KLF17: variants seen among roughly 807,000 people sequenced by gnomAD.
KLF17 encodes the protein KLF transcription factor 17, also known as Krueppel-like factor 17.
KLF17 carries 31 observed loss-of-function variants against 34.2 expected under a neutral mutation model. That is an observed-to-expected ratio of 0.91 (90% CI 0.68 to 1.22). The LOEUF is 1.22. Ranked by LOEUF, KLF17 falls within the 50% of genes most tolerant of loss-of-function variation. The probability of loss-of-function intolerance (pLI) is 0.00; values close to 1 mark genes in which losing one functional copy is unlikely to be tolerated. For missense variants in KLF17, 478 were observed against 505.2 expected (o/e 0.95, Z 0.52); for synonymous variants, 179 against 186.7 (o/e 0.96, Z 0.34).
the KLF17 span, among the ~76,000 whole-genome samples, chr1:44,054,249 G>A: frequency 6.6e-6 from 1 of 152,150 alleles, no homozygotes; most frequent in East Asian, 1.9e-4. Flanking sequence ...GCCCCCATGA[G>A]CCAACCCTTA....
the KLF17 span, among the ~76,000 whole-genome samples, chr1:44,052,789 G>T: frequency 6.6e-6 from 1 of 152,092 alleles, no homozygotes; most frequent in Non-Finnish European, 1.5e-5. Context: ...TGTCTTTTAG[G>T]CAATTGGAGT....
chr1:44,102,103 A>G, the KLF17 span, among the ~76,000 whole-genome samples: 4 of 152,332 alleles, frequency 2.6e-5, no homozygotes, highest in South Asian at 6.2e-4. Flanking sequence ...AGGAAGGGCA[A>G]TGAATAGAAA....
intron 1 of KLF17, among the ~76,000 whole-genome samples, chr1:44,126,315 G>A (rs937277406): frequency 6.6e-6 from 1 of 152,162 alleles, no homozygotes; most frequent in Non-Finnish European, 1.5e-5. Context: ...GTGAGCCACC[G>A]CACCCGGCCA....
the KLF17 span, among the ~76,000 whole-genome samples, chr1:44,077,259 C>T: frequency 1.3e-5 from 2 of 151,874 alleles, no homozygotes; most frequent in East Asian, 1.9e-4. Flanking sequence ...GCAGGAGAAT[C>T]GCTTGAACCT....
the KLF17 span, among the ~76,000 whole-genome samples, chr1:44,099,059 A>G: frequency 6.6e-6 from 1 of 152,142 alleles, no homozygotes; most frequent in Non-Finnish European, 1.5e-5. Context: ...AAAAAAGCAA[A>G]GTGCAAAAGA....
chr1:44,079,030 G>A, the KLF17 span, among the ~76,000 whole-genome samples: 1 of 152,104 alleles, frequency 6.6e-6, no homozygotes, highest in Non-Finnish European at 1.5e-5. Flanking sequence ...CTTGGTAGCT[G>A]ATAAAGTATG....
At chr1:44,086,718 C>T in the KLF17 span, among the ~76,000 whole-genome samples, 2 of 152,144 alleles carry the variant, frequency 1.3e-5, no homozygotes, top group East Asian at 3.9e-4. Context: ...CACAGCCAGC[C>T]CAGAGAGAAG....
At chr1:44,057,250 G>C in the KLF17 span, among the ~76,000 whole-genome samples, 1 of 152,104 alleles carries the variant, frequency 6.6e-6, no homozygotes, top group African/African-American at 2.4e-5. Flanking sequence ...CTCCAATTGG[G>C]AAAAGACTTA....
the KLF17 span, among the ~76,000 whole-genome samples, chr1:44,108,470 G>C: frequency 1.3e-5 from 2 of 152,028 alleles, no homozygotes; most frequent in African/African-American, 4.8e-5. Context: ...GAATGCAGGG[G>C]ATTGGGGTGA....
the KLF17 span, among the ~76,000 whole-genome samples, chr1:44,098,121 C>T: frequency 6.6e-6 from 1 of 152,086 alleles, no homozygotes; most frequent in Non-Finnish European, 1.5e-5. Flanking sequence ...AGGTATGTGC[C>T]ACCATGCCTA....
chr1:44,076,014 G>A, the KLF17 span: 1 of 152,190 alleles, frequency 6.6e-6, no homozygotes, highest in Non-Finnish European at 1.5e-5. Context: ...CATCAGCAAT[G>A]TATGAGAATC....
the KLF17 span, among the ~76,000 whole-genome samples, chr1:44,056,925 T>G: frequency 6.6e-6 from 1 of 151,906 alleles, no homozygotes; most frequent in African/African-American, 2.4e-5. Flanking sequence ...GACATCCAGC[T>G]GTTACTTTTA....
chr1:44,129,249 G>A (rs2088069197), intron 1 of KLF17, 104 bp from the exon 2 acceptor site: 1 of 1,336,686 alleles, frequency 7.5e-7, no homozygotes. Flanking sequence ...ATTCAAGCAA[G>A]AGATGGAAAT....
chr1:44,089,727 C>T, the KLF17 span, among the ~76,000 whole-genome samples: 17 of 152,330 alleles, frequency 1.1e-4, no homozygotes, highest in African/African-American at 3.8e-4. Flanking sequence ...AAATCGGAAT[C>T]GCTTCATATC....
the KLF17 span, among the ~76,000 whole-genome samples, chr1:44,112,561 T>C: frequency 2.0e-5 from 3 of 152,210 alleles, no homozygotes; most frequent in East Asian, 5.8e-4. Context: ...CTTGCCACCA[T>C]GCCTGGCCAT....
At chr1:44,044,805 A>G in the KLF17 span, 1 of 152,232 alleles carries the variant, frequency 6.6e-6, no homozygotes, top group African/African-American at 2.4e-5. Flanking sequence ...GATACTTGTA[A>G]AGTGTTCAAA....
chr1:44,109,814 T>C, the KLF17 span, among the ~76,000 whole-genome samples: 2 of 151,650 alleles, frequency 1.3e-5, no homozygotes, highest in African/African-American at 4.8e-5. Flanking sequence ...ATCTATTATA[T>C]ACAAACATTT....
chr1:44,062,765 A>T, the KLF17 span, among the ~76,000 whole-genome samples: 1 of 152,032 alleles, frequency 6.6e-6, no homozygotes, highest in Non-Finnish European at 1.5e-5. Context: ...ATGGGAAAAA[A>T]CGAGGAACCT....
the KLF17 span, among the ~76,000 whole-genome samples, chr1:44,086,303 C>T: frequency 6.6e-6 from 1 of 152,012 alleles, no homozygotes; most frequent in South Asian, 2.1e-4. Context: ...CCCGTCTCTA[C>T]TAAAAGTACA....
Sources: allele counts gnomAD v4.1 joint callset (sites outside exome capture counted in the v4.1 genomes callset), GRCh38; gene constraint gnomAD v4.1.1; transcripts MANE v1.5; gene names NCBI Gene and HGNC (gene_info 2026-07-23, HGNC 2026-07-21).